The following SORCS2 variants were observed in gnomAD, a reference collection of about 807,000 sequenced individuals.
The protein encoded by SORCS2 is sortilin related VPS10 domain containing receptor 2, also known as VPS10 domain-containing receptor SorCS2.
A neutral mutation model predicts 141.6 loss-of-function variants in SORCS2; 100 were observed. That is an observed-to-expected ratio of 0.71 (90% confidence interval 0.60 to 0.83). SORCS2 has a LOEUF of 0.83. Ranked by LOEUF, SORCS2 falls within the 40% of genes least tolerant of loss-of-function variation. The probability of loss-of-function intolerance (pLI) is 0.00; values close to 1 mark genes in which losing one functional copy is unlikely to be tolerated. For synonymous variants in SORCS2, 789 were observed against 676.9 expected (o/e 1.17, Z -2.57); for missense variants, 1,646 against 1,560.2 (o/e 1.05, Z -0.93).
chr4:7,731,599 G>A (rs1711693277), intron 23 of SORCS2, among the ~76,000 whole-genome samples: 1 of 152,186 alleles, frequency 6.6e-6, no homozygotes, highest in African/African-American at 2.4e-5. Context: ...AAATAGCACA[G>A]TACTGGCATA....
At chr4:7,350,132 A>G (rs928055755) in intron 1 of SORCS2, among the ~76,000 whole-genome samples, 2 of 152,224 alleles carry the variant, frequency 1.3e-5, no homozygotes, top group African/African-American at 4.8e-5. Flanking sequence ...GTAAATGGAC[A>G]CGACTCTTGT....
At chr4:7,606,477 C>T (rs996983272) in intron 3 of SORCS2, among the ~76,000 whole-genome samples, 4 of 152,142 alleles carry the variant, frequency 2.6e-5, no homozygotes, top group African/African-American at 9.7e-5. Context: ...CAAACGGTCA[C>T]CTCCCAGACC....
intron 1 of SORCS2, among the ~76,000 whole-genome samples, chr4:7,388,554 C>G (rs549256129): frequency 3.9e-5 from 6 of 152,306 alleles, no homozygotes; most frequent in Non-Finnish European, 8.8e-5. Flanking sequence ...TCCCTCCCCG[C>G]TTCCCCACCC....
intron 2 of SORCS2, among the ~76,000 whole-genome samples, chr4:7,439,596 C>T (rs4234805): frequency 0.83 from 125,955 of 152,118 alleles, 52,215 homozygotes; most frequent in South Asian, 0.96. Flanking sequence ...ACACTTTTCT[C>T]CCACAGATTA....
chr4:7,525,284 A>G lies in SORCS2; in HGVS notation c.549-6246A>G, dbSNP rs556083369. ...TTCTGGGAGGCTAGACAACAGGGAC[A>G]CTTGCGGGGTGCCTGCAGGTTAAGG... is the stretch of plus-strand genomic sequence containing the variant. On this transcript the variant is annotated intron_variant, in intron 2 of 26. Coordinates refer to ENST00000507866, the MANE Select transcript of SORCS2 (RefSeq NM_020777.3). Among the ~76,000 whole-genome samples, 7 of 152,250 alleles carry G rather than the reference A, an allele frequency of 4.6e-5. No homozygotes were observed. In the South Asian group the frequency reaches 1.5e-3, roughly 32 times the overall value.
intron 3 of SORCS2, among the ~76,000 whole-genome samples, chr4:7,560,440 C>G (rs1231834542): frequency 6.6e-6 from 1 of 152,074 alleles, no homozygotes; most frequent in Non-Finnish European, 1.5e-5. Context: ...TGTGCTTTGT[C>G]TCTCAATGGC....
At chr4:7,336,113 A>G (rs1479956839) in intron 1 of SORCS2, among the ~76,000 whole-genome samples, 1 of 152,068 alleles carries the variant, frequency 6.6e-6, no homozygotes, top group East Asian at 1.9e-4. Flanking sequence ...CCGCGTCCCC[A>G]TGTGTGCTGT....
At chr4:7,392,420 C>T (rs1201270689) in intron 1 of SORCS2, among the ~76,000 whole-genome samples, 1 of 152,194 alleles carries the variant, frequency 6.6e-6, no homozygotes, top group Non-Finnish European at 1.5e-5. Flanking sequence ...TCTGCATCAG[C>T]TGCTGTATGG....
intron 2 of SORCS2, among the ~76,000 whole-genome samples, chr4:7,456,480 G>C (rs4689752): frequency 1.4e-5 from 2 of 138,674 alleles, no homozygotes; most frequent in Non-Finnish European, 3.0e-5. Flanking sequence ...AAGGGTGAGA[G>C]GGGGGGGGCC....
chr4:7,552,852 A>G (rs1713817655), intron 3 of SORCS2, among the ~76,000 whole-genome samples: 1 of 152,146 alleles, frequency 6.6e-6, no homozygotes, highest in Admixed American at 6.5e-5. Context: ...GAGAGAGCTT[A>G]TTCCCTGCAA....
chr4:7,317,899 C>T (rs1234229472), intron 1 of SORCS2, among the ~76,000 whole-genome samples: 4 of 152,056 alleles, frequency 2.6e-5, no homozygotes, highest in African/African-American at 9.7e-5. Context: ...GCTGAGCAGG[C>T]GCCCCTGCCC....
At chr4:7,627,317 A>G (rs541005807) in intron 3 of SORCS2, among the ~76,000 whole-genome samples, 96 of 152,270 alleles carry the variant, frequency 6.3e-4, no homozygotes, top group African/African-American at 2.2e-3. Flanking sequence ...CCCTCAGCTA[A>G]GCAGAGGACA....
intron 3 of SORCS2, among the ~76,000 whole-genome samples, chr4:7,630,566 C>G (rs536300411): frequency 6.6e-6 from 1 of 152,148 alleles, no homozygotes; most frequent in African/African-American, 2.4e-5. Flanking sequence ...ATGACCATCA[C>G]GGGAGTGACT....
intron 2 of SORCS2, among the ~76,000 whole-genome samples, chr4:7,465,546 G>A (rs1281497663): frequency 6.6e-6 from 1 of 152,132 alleles, no homozygotes; most frequent in Admixed American, 6.5e-5. Context: ...GGTGTTTATA[G>A]TAATGTGTGT....
rs754954700 is a variant in SORCS2, at chr4:7,638,331, A to G, written c.652A>G (p.Ile218Val). The change falls in exon 4 of 27, where the codon ATC becomes GTC. Residue 218 changes from isoleucine (I) to valine (V), a missense_variant. By Grantham distance (29) the Ile-to-Val change is conservative (BLOSUM62 3). Transcript: ENST00000507866. ...CACAACCCGCTTTGTGTTTCAGGTCATCCTTGTCAGCTCCTCACTCAGTGA... is the reference window on the plus strand; with the variant it reads ...CACAACCCGCTTTGTGTTTCAGGTCGTCCTTGTCAGCTCCTCACTCAGTGA... Reference protein sequence around the residue: ...YICPTNKRKVILVSSSLSDRD... With the variant: ...YICPTNKRKVVLVSSSLSDRD... 8.7e-6 allele frequency: 13 copies of G among 1,502,682 alleles called. No individual in the cohort carries two copies. In the East Asian group the frequency reaches 2.3e-4, roughly 26 times the overall value. 93.1% of individuals were successfully genotyped at this position (1,502,682 alleles called of 1,614,324 possible). A position where few individuals can be genotyped will look rare whatever the true frequency, so the allele number is the denominator to read the frequency against.
intron 3 of SORCS2, among the ~76,000 whole-genome samples, chr4:7,543,589 ATCCAT>A (rs1240804402): frequency 4.0e-5 from 4 of 100,832 alleles, no homozygotes; most frequent in Middle Eastern, 0.02. Context: ...TCATCCATCC[ATCCAT>A]TCCATCCATC....
chr4:7,540,246 C>T (rs1712518670), intron 3 of SORCS2, among the ~76,000 whole-genome samples: 1 of 146,864 alleles, frequency 6.8e-6, no homozygotes, highest in African/African-American at 2.5e-5. Flanking sequence ...GCCTCTCCTT[C>T]CTGCCAACTG....
intron 2 of SORCS2, among the ~76,000 whole-genome samples, chr4:7,446,132 G>A (rs1366311345): frequency 6.6e-6 from 1 of 151,142 alleles, no homozygotes; most frequent in Non-Finnish European, 1.5e-5. Context: ...AATGAAAGAG[G>A]TCAGACTGGG....
At chr4:7,312,909 C>T (rs1452958348) in intron 1 of SORCS2, among the ~76,000 whole-genome samples, 1 of 152,214 alleles carries the variant, frequency 6.6e-6, no homozygotes, top group Admixed American at 6.5e-5. Flanking sequence ...GGTGGATCTC[C>T]AGGGCTCCCT....
Sources: gnomAD v4.1 joint callset for allele counts (sites outside exome capture counted in the v4.1 genomes callset) on GRCh38, gnomAD v4.1.1 for gene constraint, MANE v1.5 for transcripts, NCBI Gene and HGNC (gene_info 2026-07-23, HGNC 2026-07-21) for gene names.